The following PDZRN4 variants were observed in gnomAD, a reference collection of about 807,000 sequenced individuals.
The protein encoded by PDZRN4 is PDZ domain-containing RING finger protein 4.
In PDZRN4, 70 loss-of-function variants were observed where a neutral mutation model predicts 99.0. That is an observed-to-expected ratio of 0.71 (90% CI 0.58 to 0.86). The LOEUF is 0.86. PDZRN4 is among the 40% of genes least tolerant of loss of function. The pLI is 0.00. For synonymous variants in PDZRN4, 551 were observed against 501.6 expected (o/e 1.10, Z -1.32); for missense variants, 1,474 against 1,331.2 (o/e 1.11, Z -1.67).
At chr12:41,515,796 G>T (rs1362322730) in intron 5 of PDZRN4, among the ~76,000 whole-genome samples, 3 of 151,874 alleles carry the variant, frequency 2.0e-5, no homozygotes, top group African/African-American at 7.3e-5. Context: ...TTTGCAGGCT[G>T]TCCTATTCAC....
chr12:41,311,995 A>G (rs1162779136), intron 3 of PDZRN4, among the ~76,000 whole-genome samples: 8 of 152,314 alleles, frequency 5.3e-5, no homozygotes, highest in African/African-American at 1.9e-4. Context: ...AGTACTTTTT[A>G]TAGCTACCAG....
Position 41,560,339 on chromosome 12 carries a change from G to A in PDZRN4, c.1366-3209G>A, listed in dbSNP as rs576102573. Among the ~76,000 whole-genome samples, 5 of 152,160 alleles carry A rather than the reference G, an allele frequency of 3.3e-5. No homozygotes were observed. The South Asian group carries it at 1.0e-3, about 32-fold the overall frequency. ...AAGCTATATTACATCTCATTTCTAAGCTTTTAGGGCTTTACACACACACAT... is the reference window on the plus strand; with the variant it reads ...AAGCTATATTACATCTCATTTCTAAACTTTTAGGGCTTTACACACACACAT... On this transcript the variant is annotated intron_variant, in intron 7 of 9. Transcript: ENST00000402685.
At chr12:41,518,070 C>T (rs943322516) in intron 5 of PDZRN4, among the ~76,000 whole-genome samples, 5 of 152,000 alleles carry the variant, frequency 3.3e-5, no homozygotes, top group African/African-American at 4.8e-5. Flanking sequence ...ATTTTTTCTT[C>T]ACTATATCAC....
chr12:41,426,589 A>C (rs1952539055), intron 3 of PDZRN4, among the ~76,000 whole-genome samples: 1 of 152,198 alleles, frequency 6.6e-6, no homozygotes, highest in Non-Finnish European at 1.5e-5. Context: ...ACTTTGATCA[A>C]ATTGCACAAT....
chr12:41,472,153 G>GCCA (rs1952999355), intron 3 of PDZRN4, among the ~76,000 whole-genome samples: 1 of 151,990 alleles, frequency 6.6e-6, no homozygotes, highest in African/African-American at 2.4e-5. Context: ...ACAGGCATGT[G>GCCA]CCACCACACC....
chr12:41,482,906 C>A (rs889805857), intron 3 of PDZRN4, among the ~76,000 whole-genome samples: 2 of 151,816 alleles, frequency 1.3e-5, no homozygotes, highest in Non-Finnish European at 2.9e-5. Flanking sequence ...CAGAGGTTAG[C>A]CCAGGATCAA....
intron 3 of PDZRN4, among the ~76,000 whole-genome samples, chr12:41,201,897 T>C (rs1270835880): frequency 6.6e-6 from 1 of 152,150 alleles, no homozygotes; most frequent in African/African-American, 2.4e-5. Context: ...CAAATTCTGT[T>C]CATGTAAATG....
chr12:41,537,823 C>A (rs1379779), intron 5 of PDZRN4, among the ~76,000 whole-genome samples: 22,004 of 151,960 alleles, frequency 0.14, 1,688 homozygotes, highest in South Asian at 0.24. Flanking sequence ...GGATGACTGG[C>A]AAAATGATAA....
chr12:41,317,502 T>C (rs1029217733), intron 3 of PDZRN4, among the ~76,000 whole-genome samples: 17 of 152,110 alleles, frequency 1.1e-4, no homozygotes, highest in African/African-American at 3.9e-4. Flanking sequence ...ATATCTAGAC[T>C]GGTATAACCA....
chr12:41,552,794 T>C, intron 6 of PDZRN4, 40 bp downstream of exon 6: 1 of 1,466,620 alleles, frequency 6.8e-7, no homozygotes, highest in Non-Finnish European at 9.6e-7. Context: ...GGAGGGAGAC[T>C]AGGAAGAACA....
rs999759432 is a variant in PDZRN4, at chr12:41,573,865, C to A, written c.3086C>A (p.Ala1029Asp). Reference sequence around the variant, plus strand: ...CCAGATGGCACGAGAGTCCATAATGCCTTCTTGTCGGTGACCACTGTATGA... The same window carrying A: ...CCAGATGGCACGAGAGTCCATAATGACTTCTTGTCGGTGACCACTGTATGA... Reference protein sequence around the residue: ...KSPDGTRVHNAFLSVTTV With the variant: ...KSPDGTRVHNDFLSVTTV The change falls in exon 10 of 10, where the codon GCC (alanine) becomes GAC (aspartate). Residue 1029 changes from alanine (A) to aspartate (D), a missense_variant. Physicochemically the swap from Ala to Asp is moderately radical, Grantham distance 126. Coordinates refer to ENST00000402685, the MANE Select transcript of PDZRN4 (RefSeq NM_001164595.2). 2 of 1,576,480 alleles carry A rather than the reference C, an allele frequency of 1.3e-6. No individual in the cohort carries two copies. The highest frequency in any genetic ancestry group is 1.7e-6 in the Non-Finnish European group (2 of 1,165,146).
intron 3 of PDZRN4, among the ~76,000 whole-genome samples, chr12:41,424,612 T>C (rs1270480379): frequency 6.6e-6 from 1 of 151,528 alleles, no homozygotes; most frequent in Non-Finnish European, 1.5e-5. Context: ...AACTCAGAAG[T>C]GTTTACTTTG....
At chr12:41,378,520 A>ATGTTTTTTTTTTTTTTTTT (rs1952098154) in intron 3 of PDZRN4, among the ~76,000 whole-genome samples, 1 of 102,862 alleles carries the variant, frequency 9.7e-6, no homozygotes, top group Non-Finnish European at 1.9e-5. Context: ...TCTGTCTTCA[A>ATGTTTTTTTTTTTTTTTTT]TTTTTTTTTT....
At chr12:41,253,753 A>C (rs1434058263) in intron 3 of PDZRN4, among the ~76,000 whole-genome samples, 1 of 152,194 alleles carries the variant, frequency 6.6e-6, no homozygotes, top group Admixed American at 6.5e-5. Flanking sequence ...ATCAAAAGAT[A>C]AATGGATAAA....
intron 3 of PDZRN4, among the ~76,000 whole-genome samples, chr12:41,245,436 A>C (rs961465150): frequency 5.9e-5 from 9 of 152,210 alleles, no homozygotes; most frequent in Non-Finnish European, 1.3e-4. Context: ...AAAGATGGAC[A>C]TGTACAAAAT....
chr12:41,373,980 C>G, intron 3 of PDZRN4, among the ~76,000 whole-genome samples: 1 of 152,186 alleles, frequency 6.6e-6, no homozygotes, highest in East Asian at 1.9e-4. Context: ...CCACAACACA[C>G]AGGTTCTTGG....
At chr12:41,250,620 T>C (rs10785186) in intron 3 of PDZRN4, among the ~76,000 whole-genome samples, 84,181 of 151,906 alleles carry the variant, frequency 0.55, 23,436 homozygotes, top group Admixed American at 0.62. Flanking sequence ...CTTGACAGGT[T>C]TGTCAAGCTT....
intron 3 of PDZRN4, among the ~76,000 whole-genome samples, chr12:41,267,360 G>A (rs748601144): frequency 2.0e-5 from 3 of 151,926 alleles, no homozygotes; most frequent in Non-Finnish European, 4.4e-5. Flanking sequence ...AACTGGAGCT[G>A]GCATGTTACT....
At chr12:41,193,289 T>C (rs2120639743) in intron 2 of PDZRN4, among the ~76,000 whole-genome samples, 1 of 152,334 alleles carries the variant, frequency 6.6e-6, no homozygotes, top group Non-Finnish European at 1.5e-5. Context: ...AAATTCATGA[T>C]AAGGACAGCT....
Sources: allele counts gnomAD v4.1 joint callset (sites outside exome capture counted in the v4.1 genomes callset), GRCh38; gene constraint gnomAD v4.1.1; transcripts MANE v1.5; gene names NCBI Gene and HGNC (gene_info 2026-07-23, HGNC 2026-07-21).